The following IQGAP1 variants were observed in gnomAD, a reference collection of about 807,000 sequenced individuals.
The protein encoded by IQGAP1 is IQ motif containing GTPase activating protein 1, also known as ras GTPase-activating-like protein IQGAP1.
IQGAP1 carries 66 observed loss-of-function variants against 215.6 expected under a neutral mutation model. The observed-to-expected ratio is 0.31, with a 90% CI of 0.25 to 0.38. IQGAP1 has a LOEUF of 0.38. IQGAP1 is among the 10% of genes least tolerant of loss of function. The probability of loss-of-function intolerance (pLI) is 1.00; values close to 1 mark genes in which losing one functional copy is unlikely to be tolerated. For missense variants in IQGAP1, 1,712 were observed against 1,997.1 expected (o/e 0.86, Z 2.72); for synonymous variants, 772 against 728.7 (o/e 1.06, Z -0.96).
intron 2 of IQGAP1, among the ~76,000 whole-genome samples, chr15:90,415,380 G>A (rs1965030744): frequency 6.6e-6 from 1 of 151,904 alleles, no homozygotes; most frequent in South Asian, 2.1e-4. Context: ...AACCTTTCCT[G>A]TTAAAGTTTT....
chr15:90,497,962 G>A (rs1596296893), intron 37 of IQGAP1, among the ~76,000 whole-genome samples: 2 of 152,176 alleles, frequency 1.3e-5, no homozygotes, highest in South Asian at 4.2e-4. Flanking sequence ...TTCTTGCACT[G>A]CTTCACACAG....
At chr15:90,450,112 G>A (rs1420886206) in intron 11 of IQGAP1, among the ~76,000 whole-genome samples, 3 of 151,842 alleles carry the variant, frequency 2.0e-5, no homozygotes, top group African/African-American at 7.3e-5. Context: ...TGGTAATTTT[G>A]TACCCGTTAG....
intron 30 of IQGAP1, among the ~76,000 whole-genome samples, chr15:90,484,773 T>A (rs1966104539): frequency 6.6e-6 from 1 of 152,154 alleles, no homozygotes; most frequent in African/African-American, 2.4e-5. Context: ...CCCCCAAAAG[T>A]GCTGGGATTA....
At chr15:90,482,503 A>G (rs1258690327) in intron 28 of IQGAP1, among the ~76,000 whole-genome samples, 1 of 152,074 alleles carries the variant, frequency 6.6e-6, no homozygotes, top group African/African-American at 2.4e-5. Flanking sequence ...AGAAAGATGG[A>G]TTTTTCCTGT....
chr15:90,414,841 T>C (rs1056593592), intron 2 of IQGAP1, among the ~76,000 whole-genome samples: 1 of 152,182 alleles, frequency 6.6e-6, no homozygotes, highest in African/African-American at 2.4e-5. Context: ...CATTTCAAGC[T>C]GAACATGTTT....
chr15:90,397,888 CT>C (rs763133807), intron 2 of IQGAP1: 79 of 44,312 alleles, frequency 1.8e-3, no homozygotes, highest in Middle Eastern at 0.012. Flanking sequence ...TTTTTTTTTT[CT>C]TTTTTTTTTT....
chr15:90,399,134 T>A (rs190913939), intron 2 of IQGAP1, among the ~76,000 whole-genome samples: 2,034 of 150,998 alleles, frequency 0.013, 35 homozygotes, highest in African/African-American at 0.046. Context: ...TAAAAAAAAT[T>A]TTTTTTTTTG....
rs1965650372 is a variant in IQGAP1 at position 90,454,422 on chromosome 15, G to A, written c.1488-6G>A. 6.2e-7 allele frequency: 1 copy of A among 1,613,494 alleles called. No homozygotes were observed. The highest frequency in any genetic ancestry group is 8.5e-7 in the Non-Finnish European group (1 of 1,179,720). Reference sequence around the variant, plus strand: ...AATGCTCTTTTTACTTGGGGGTCTGGGGCAGGTATCTCGATGAGTTGATGA... The same window carrying A: ...AATGCTCTTTTTACTTGGGGGTCTGAGGCAGGTATCTCGATGAGTTGATGA... On this transcript the variant is annotated splice_polypyrimidine_tract_variant and splice_region_variant and intron_variant, in intron 13 of 37. Coordinates refer to ENST00000268182, the MANE Select transcript of IQGAP1 (RefSeq NM_003870.4).
At position 90,497,733 on chromosome 15, in the gene IQGAP1, G is replaced by A. The variant is rs1596296803; in HGVS notation, c.4860+393G>A. ...TAAAAGTTAGATACATTCTGACAAG[G>A]TGTGTGTAAAGTTTATGTTTGTAAA... On this transcript the variant is annotated intron_variant, in intron 37 of 37. Transcript: ENST00000268182. Among the ~76,000 whole-genome samples the A allele has an allele frequency of 2.0e-5, 3 of 152,168 alleles. No homozygotes were observed. The East Asian group carries it at 5.8e-4, about 29-fold the overall frequency.
chr15:90,416,695 A>C (rs1371147812), intron 2 of IQGAP1, among the ~76,000 whole-genome samples: 55 of 151,278 alleles, frequency 3.6e-4, no homozygotes, highest in Admixed American at 2.1e-3. Flanking sequence ...CTCCTGCCTC[A>C]GCCTCCCGAG....
intron 11 of IQGAP1, among the ~76,000 whole-genome samples, chr15:90,450,025 G>A (rs566649136): frequency 6.6e-6 from 1 of 152,268 alleles, no homozygotes; most frequent in South Asian, 2.1e-4. Context: ...CAGTTCTTCT[G>A]TTTTGAACTA....
chr15:90,473,518 A>C, intron 19 of IQGAP1, 197 bp from the exon 20 acceptor site: 1 of 566,140 alleles, frequency 1.8e-6, no homozygotes, highest in South Asian at 2.0e-5. Context: ...GACGTTGGGG[A>C]AGTAGAATGT....
chr15:90,484,571 C>T (rs559220752), intron 30 of IQGAP1, among the ~76,000 whole-genome samples: 3 of 152,114 alleles, frequency 2.0e-5, no homozygotes, highest in Admixed American at 6.6e-5. Context: ...TGCAGTGGCG[C>T]GATCTCGGCT....
At chr15:90,453,537 A>C (rs1182733442) in intron 13 of IQGAP1, among the ~76,000 whole-genome samples, 1 of 152,224 alleles carries the variant, frequency 6.6e-6, no homozygotes, top group Non-Finnish European at 1.5e-5. Flanking sequence ...AAAGTTAAAT[A>C]ATACTTTTTA....
At chr15:90,404,355 G>T (rs959729890) in intron 2 of IQGAP1, among the ~76,000 whole-genome samples, 3 of 152,156 alleles carry the variant, frequency 2.0e-5, no homozygotes, top group Admixed American at 1.3e-4. Context: ...AGTTTCATAG[G>T]TGAAAATGGT....
intron 9 of IQGAP1, among the ~76,000 whole-genome samples, chr15:90,445,209 G>A (rs1288348567): frequency 6.6e-6 from 1 of 151,104 alleles, no homozygotes; most frequent in African/African-American, 2.4e-5. Flanking sequence ...TTGTTCCTCT[G>A]TTAAAAGCTG....
At chr15:90,482,366 C>T in intron 28 of IQGAP1, 85 bp downstream of exon 28, 1 of 1,295,150 alleles carries the variant, frequency 7.7e-7, no homozygotes, top group Non-Finnish European at 1.1e-6. Flanking sequence ...TACTAACTGC[C>T]TAAGTGTAGG....
intron 2 of IQGAP1, among the ~76,000 whole-genome samples, chr15:90,409,864 C>T (rs1964933896): frequency 6.6e-6 from 1 of 152,172 alleles, no homozygotes; most frequent in Admixed American, 6.5e-5. Flanking sequence ...GATGGCATCT[C>T]ATTGTGGTTT....
chr15:90,429,222 A>G (rs1158151665), intron 3 of IQGAP1, among the ~76,000 whole-genome samples: 1 of 152,208 alleles, frequency 6.6e-6, no homozygotes, highest in Non-Finnish European at 1.5e-5. Flanking sequence ...CATGTGCATT[A>G]TCTCACTTAG....
Sources: allele counts gnomAD v4.1 joint callset (sites outside exome capture counted in the v4.1 genomes callset), GRCh38; gene constraint gnomAD v4.1.1; transcripts MANE v1.5; gene names NCBI Gene and HGNC (gene_info 2026-07-23, HGNC 2026-07-21).